The following GIN1 variants were observed in gnomAD, a reference collection of about 807,000 sequenced individuals.
GIN1 encodes gypsy retrotransposon integrase 1.
GIN1 carries 41 observed loss-of-function variants against 51.4 expected under a neutral mutation model. That is an observed-to-expected ratio of 0.80 (90% CI 0.62 to 1.04). The LOEUF is 1.04. Among genes scored for constraint, GIN1 ranks in the 50% least tolerant of loss-of-function variants. GIN1 has a pLI of 0.00. For synonymous variants in GIN1, 222 were observed against 206.5 expected (o/e 1.07, Z -0.64); for missense variants, 610 against 612.4 (o/e 1.00, Z 0.04).
intron 7 of GIN1, among the ~76,000 whole-genome samples, chr5:103,094,804 T>C (rs531675022): frequency 2.5e-4 from 38 of 152,304 alleles, no homozygotes; most frequent in African/African-American, 7.9e-4. Flanking sequence ...AGAGAGATCA[T>C]TAAAGGTAGC....
At chr5:103,109,202 G>A in intron 1 of GIN1, among the ~76,000 whole-genome samples, 1 of 151,838 alleles carries the variant, frequency 6.6e-6, no homozygotes, top group Non-Finnish European at 1.5e-5. Context: ...AACTATTTTT[G>A]CTTTTGCTAG....
At chr5:103,094,472 T>C (rs1554194817) in intron 7 of GIN1, among the ~76,000 whole-genome samples, 1 of 152,134 alleles carries the variant, frequency 6.6e-6, no homozygotes, top group Non-Finnish European at 1.5e-5. Flanking sequence ...AGAATTCAAG[T>C]ATGAGGCAAA....
intron 4 of GIN1, chr5:103,102,610 G>A (rs1787604880): frequency 6.6e-6 from 1 of 152,112 alleles, no homozygotes; most frequent in Admixed American, 6.5e-5. Flanking sequence ...AAGTAATTAT[G>A]GTTAAGAATG....
intron 3 of GIN1, among the ~76,000 whole-genome samples, chr5:103,106,182 A>G (rs1787718849): frequency 6.6e-6 from 1 of 152,084 alleles, no homozygotes; most frequent in Non-Finnish European, 1.5e-5. Context: ...TTTCTACTAG[A>G]AGTTGAAGGT....
intron 1 of GIN1, among the ~76,000 whole-genome samples, chr5:103,117,011 C>G (rs998448558): frequency 6.6e-6 from 1 of 152,052 alleles, no homozygotes; most frequent in African/African-American, 2.4e-5. Flanking sequence ...AGTTAAACAT[C>G]AATTTACCAT....
At chr5:103,106,178 C>CTA (rs1787718690) in intron 3 of GIN1, among the ~76,000 whole-genome samples, 1 of 152,086 alleles carries the variant, frequency 6.6e-6, no homozygotes, top group Non-Finnish European at 1.5e-5. Context: ...GAATTTTCTA[C>CTA]TAGAAGTTGA....
At chr5:103,117,860 CTT>C (rs1437586521) in intron 1 of GIN1, among the ~76,000 whole-genome samples, 1 of 152,120 alleles carries the variant, frequency 6.6e-6, no homozygotes, top group Non-Finnish European at 1.5e-5. Flanking sequence ...TGCGCTGACA[CTT>C]TTAACTTGGT....
chr5:103,101,926 A>T (rs1013763244), intron 4 of GIN1, among the ~76,000 whole-genome samples: 1 of 152,236 alleles, frequency 6.6e-6, no homozygotes, highest in African/African-American at 2.4e-5. Flanking sequence ...GACCACTGCT[A>T]TGTCAATCAA....
chr5:103,106,967 A>G (rs1450709115), intron 2 of GIN1, 58 bp from the exon 3 acceptor site: 3 of 902,072 alleles, frequency 3.3e-6, no homozygotes, highest in East Asian at 5.4e-5. Context: ...ACGTAGTTTT[A>G]AGAGAATCAT....
chr5:103,094,415 T>C (rs1219721291), intron 7 of GIN1, among the ~76,000 whole-genome samples: 1 of 152,136 alleles, frequency 6.6e-6, no homozygotes, highest in Non-Finnish European at 1.5e-5. Context: ...CCAGTAGTCA[T>C]ATTGCAATAT....
chr5:103,108,123 G>A (rs1359470751), intron 2 of GIN1, among the ~76,000 whole-genome samples: 1 of 151,996 alleles, frequency 6.6e-6, no homozygotes, highest in African/African-American at 2.4e-5. Context: ...ATATTTAATG[G>A]CAGTGGTGGG....
At chr5:103,112,067 C>CA (rs11400082) in intron 1 of GIN1, among the ~76,000 whole-genome samples, 152,254 of 152,254 alleles carry the variant, frequency 1, 76,127 homozygotes, top group Non-Finnish European at 1. Context: ...ACCTATAGTA[C>CA]AAGGGACAAG....
intron 7 of GIN1, among the ~76,000 whole-genome samples, chr5:103,095,189 T>C (rs1056567475): frequency 2.6e-5 from 4 of 152,236 alleles, no homozygotes; most frequent in Admixed American, 2.0e-4. Context: ...CCAAATAATA[T>C]TAATGTTTCA....
chr5:103,099,155 C>A (rs1787494367), intron 4 of GIN1, among the ~76,000 whole-genome samples: 1 of 152,126 alleles, frequency 6.6e-6, no homozygotes, highest in Non-Finnish European at 1.5e-5. Context: ...ATTTCCCAAA[C>A]TCCCTTGCAG....
At chr5:103,104,894 A>T (rs1562332287) in intron 3 of GIN1, 48 bp from the exon 4 acceptor site, 1 of 1,097,780 alleles carries the variant, frequency 9.1e-7, no homozygotes. Context: ...GTTAACACTC[A>T]ACACAATATA....
intron 7 of GIN1, among the ~76,000 whole-genome samples, chr5:103,090,094 A>G (rs1449202567): frequency 6.6e-6 from 1 of 152,174 alleles, no homozygotes; most frequent in Admixed American, 6.5e-5. Flanking sequence ...TTCGAGACCA[A>G]CCTGGCTAAC....
At chr5:103,095,843 G>A (rs1383348853) in intron 7 of GIN1, among the ~76,000 whole-genome samples, 3 of 152,034 alleles carry the variant, frequency 2.0e-5, no homozygotes, top group Non-Finnish European at 4.4e-5. Flanking sequence ...AGAATTGCTT[G>A]AACCCAGGAA....
chr5:103,106,074 G>T (rs1295582782), intron 3 of GIN1, among the ~76,000 whole-genome samples: 1 of 152,118 alleles, frequency 6.6e-6, no homozygotes. Flanking sequence ...AGATCTCACA[G>T]ATATACCAAG....
chr5:103,108,773 C>G (rs1787797078), intron 1 of GIN1, 59 bp from the exon 2 acceptor site: 3 of 1,040,560 alleles, frequency 2.9e-6, no homozygotes, highest in Non-Finnish European at 4.3e-6. Context: ...ATTGCTATTT[C>G]AGTTAAGACT....
Sources: allele counts gnomAD v4.1 joint callset (sites outside exome capture counted in the v4.1 genomes callset), GRCh38; gene constraint gnomAD v4.1.1; transcripts MANE v1.5; gene names NCBI Gene and HGNC (gene_info 2026-07-23, HGNC 2026-07-21).